SLC35F4: variants seen among roughly 807,000 people sequenced by gnomAD.
SLC35F4 encodes solute carrier family 35 member F4.
SLC35F4 carries 24 observed loss-of-function variants against 44.2 expected under a neutral mutation model. That is an observed-to-expected ratio of 0.54 (90% CI 0.39 to 0.76). The LOEUF is 0.76. SLC35F4 is among the 30% of genes least tolerant of loss of function. The pLI, the probability that SLC35F4 is intolerant of heterozygous loss-of-function variation, is 0.00. For synonymous variants in SLC35F4, 238 were observed against 223.6 expected, an observed-to-expected ratio of 1.06 and a Z score of -0.57; for missense variants, 562 against 586.1, an observed-to-expected ratio of 0.96 and a Z score of 0.42.
chr14:57,642,457 TTTTC>T (rs917660014), intron 1 of SLC35F4, among the ~76,000 whole-genome samples: 1 of 152,020 alleles, frequency 6.6e-6, no homozygotes, highest in Non-Finnish European at 1.5e-5. Flanking sequence ...GATACAGATT[TTTTC>T]TTTTTTTTTC....
At chr14:57,630,340 G>A (rs1157769406) in intron 1 of SLC35F4, 1 of 593,384 alleles carries the variant, frequency 1.7e-6, no homozygotes, top group South Asian at 1.7e-5. Flanking sequence ...CCTAGAAACA[G>A]TAGACCGACT....
intron 1 of SLC35F4, among the ~76,000 whole-genome samples, chr14:57,783,020 T>C (rs2077664113): frequency 6.6e-6 from 1 of 151,894 alleles, no homozygotes; most frequent in South Asian, 2.1e-4. Flanking sequence ...GGAGGGGAAA[T>C]GTGTGAAGCT....
intron 1 of SLC35F4, among the ~76,000 whole-genome samples, chr14:57,710,293 A>C (rs1247167462): frequency 6.6e-6 from 1 of 152,244 alleles, no homozygotes; most frequent in Non-Finnish European, 1.5e-5. Flanking sequence ...ACAGAAGTCA[A>C]GAATTGAGCT....
chr14:57,929,889 C>T (rs1889660338), intron 1 of SLC35F4, among the ~76,000 whole-genome samples: 1 of 152,170 alleles, frequency 6.6e-6, no homozygotes, highest in Non-Finnish European at 1.5e-5. Flanking sequence ...GGATGGGTGT[C>T]ATCAACACCG....
chr14:57,637,473 G>T (rs979461744), intron 1 of SLC35F4, among the ~76,000 whole-genome samples: 2 of 152,118 alleles, frequency 1.3e-5, no homozygotes, highest in African/African-American at 4.8e-5. Flanking sequence ...CTGTGGTGGC[G>T]AAGGGAAGTG....
intron 1 of SLC35F4, among the ~76,000 whole-genome samples, chr14:57,956,090 G>T (rs1405868733): frequency 6.6e-6 from 1 of 152,118 alleles, no homozygotes; most frequent in Non-Finnish European, 1.5e-5. Flanking sequence ...TACCAAAAAA[G>T]ATATATAGAC....
chr14:57,740,883 G>C (rs1251698629), intron 1 of SLC35F4, among the ~76,000 whole-genome samples: 1 of 152,144 alleles, frequency 6.6e-6, no homozygotes, highest in Admixed American at 6.6e-5. Flanking sequence ...TCCCAGTAGG[G>C]GCCGACTGAC....
chr14:57,901,548 G>C (rs1031529159), intron 1 of SLC35F4, among the ~76,000 whole-genome samples: 3 of 151,950 alleles, frequency 2.0e-5, no homozygotes, highest in Admixed American at 1.3e-4. Flanking sequence ...GGAAGGGAGA[G>C]CATCAGGAAG....
chr14:57,615,840 T>C (rs368017310), intron 1 of SLC35F4, among the ~76,000 whole-genome samples: 25 of 152,164 alleles, frequency 1.6e-4, no homozygotes, highest in East Asian at 5.8e-4. Context: ...ATAGATGGGA[T>C]AGAGGGTTAG....
At chr14:57,767,795 T>C (rs1180096915) in intron 1 of SLC35F4, among the ~76,000 whole-genome samples, 1 of 151,730 alleles carries the variant, frequency 6.6e-6, no homozygotes, top group Non-Finnish European at 1.5e-5. Flanking sequence ...AGAGAAAAGA[T>C]ACAAATCACC....
At chr14:57,630,946 C>T (rs1359139365) in intron 1 of SLC35F4, 1 of 646,876 alleles carries the variant, frequency 1.5e-6, no homozygotes, top group Non-Finnish European at 1.9e-6. Flanking sequence ...CATTTTTATG[C>T]TTGAAGTATT....
At chr14:57,867,451 C>A (rs865825305), upstream of SLC35F4, among the ~76,000 whole-genome samples, 39 of 152,130 alleles carry the variant, frequency 2.6e-4, no homozygotes, top group African/African-American at 8.9e-4. Flanking sequence ...ATAAAGAAAC[C>A]AATTTCCTCC....
intron 1 of SLC35F4, among the ~76,000 whole-genome samples, chr14:57,620,273 T>A (rs1223034462): frequency 6.6e-6 from 1 of 152,064 alleles, no homozygotes; most frequent in East Asian, 1.9e-4. Flanking sequence ...GGAAAAAATG[T>A]TAAGGGCAGC....
chr14:57,813,129 C>G (rs1882158379), intron 1 of SLC35F4, among the ~76,000 whole-genome samples: 1 of 152,120 alleles, frequency 6.6e-6, no homozygotes, highest in Non-Finnish European at 1.5e-5. Context: ...AGTGTCAGGT[C>G]CAACCCAGCA....
chr14:57,894,204 T>A (rs1051238594), intron 1 of SLC35F4, among the ~76,000 whole-genome samples: 5 of 152,112 alleles, frequency 3.3e-5, no homozygotes, highest in South Asian at 2.1e-4. Flanking sequence ...CAAGGTACTA[T>A]ACAATGATAT....
chr14:57,611,180 A>G lies in SLC35F4; in HGVS notation c.104-17056T>C, dbSNP rs7143084. On this transcript the variant is annotated intron_variant, in intron 1 of 7. Coordinates refer to ENST00000556826, the MANE Select transcript of SLC35F4 (RefSeq NM_001306087.2). ...TTGGTGTGTTATAGGAACTAAATGCAGGTTGGTGTAGTGTAGATAGAGTGC... is the reference window on the plus strand; with the variant it reads ...TTGGTGTGTTATAGGAACTAAATGCGGGTTGGTGTAGTGTAGATAGAGTGC... 1.1e-4 allele frequency among the ~76,000 whole-genome samples: 16 copies of G among 152,328 alleles called. No individual in the cohort carries two copies. In the East Asian group the frequency reaches 1.4e-3, roughly 13 times the overall value.
chr14:57,841,713 T>G (rs1206805963), intron 1 of SLC35F4, among the ~76,000 whole-genome samples: 1 of 152,118 alleles, frequency 6.6e-6, no homozygotes, highest in South Asian at 2.1e-4. Flanking sequence ...AATTTGGCAG[T>G]GGAGATTATA....
rs1179250132 is a variant in SLC35F4, at chr14:57,569,772, A to G, written c.1126+16T>C. 5 of 1,570,044 alleles carry G rather than the reference A, an allele frequency of 3.2e-6. No homozygotes were observed. The Admixed American group carries it at 9.8e-5, about 31-fold the overall frequency. ...ATTGATATAGGGAATGGAAGGCAAA[A>G]CCCGAGGCCACTTACCCAGCCACAG... On this transcript the variant is annotated intron_variant, in intron 6 of 7. Transcript: ENST00000556826.
chr14:57,868,746 G>A (rs1462945609), upstream of SLC35F4, among the ~76,000 whole-genome samples: 1 of 152,186 alleles, frequency 6.6e-6, no homozygotes, highest in African/African-American at 2.4e-5. Context: ...CTACAGGCAT[G>A]AGCCACCGTG....
Sources: allele counts gnomAD v4.1 joint callset (sites outside exome capture counted in the v4.1 genomes callset), GRCh38; gene constraint gnomAD v4.1.1; transcripts MANE v1.5; gene names NCBI Gene and HGNC (gene_info 2026-07-23, HGNC 2026-07-21).